MND1: variants seen among roughly 807,000 people sequenced by gnomAD.
The protein encoded by MND1 is meiotic nuclear division protein 1 homolog.
In MND1, 28 loss-of-function variants were observed where a neutral mutation model predicts 35.1. The ratio of observed to expected loss-of-function variants is 0.80; its 90% CI spans 0.59 to 1.09. The LOEUF is 1.09. Among genes scored for constraint, MND1 ranks in the 50% least tolerant of loss-of-function variants. The probability of loss-of-function intolerance (pLI) is 0.00; values close to 1 mark genes in which losing one functional copy is unlikely to be tolerated. For missense variants in MND1, 213 were observed against 239.6 expected, an observed-to-expected ratio of 0.89 and a Z score of 0.73; for synonymous variants, 69 against 70.5, an observed-to-expected ratio of 0.98 and a Z score of 0.11.
intron 2 of MND1, among the ~76,000 whole-genome samples, chr4:153,352,604 C>T (rs147246427): frequency 2.0e-5 from 3 of 152,072 alleles, no homozygotes; most frequent in East Asian, 3.9e-4. Flanking sequence ...CCAGGTGCCA[C>T]GGCTCACACC....
intron 4 of MND1, among the ~76,000 whole-genome samples, chr4:153,360,606 G>GTA (rs70963165): frequency 0.1 from 14,651 of 143,292 alleles, 831 homozygotes; most frequent in South Asian, 0.2. Context: ...GTGTGTGTGT[G>GTA]TATATATATA....
chr4:153,399,522 A>C (rs1729285902), intron 6 of MND1, among the ~76,000 whole-genome samples: 1 of 152,210 alleles, frequency 6.6e-6, no homozygotes, highest in Non-Finnish European at 1.5e-5. Context: ...CCAATTCATG[A>C]AGTGGGGAAA....
intron 6 of MND1, among the ~76,000 whole-genome samples, chr4:153,402,643 T>C (rs1729374390): frequency 6.6e-6 from 1 of 152,206 alleles, no homozygotes; most frequent in Admixed American, 6.5e-5. Context: ...GTAAGAGCCT[T>C]GATCCCAAAG....
chr4:153,359,368 C>T (rs1302398767), intron 4 of MND1, among the ~76,000 whole-genome samples: 3 of 152,108 alleles, frequency 2.0e-5, no homozygotes, highest in African/African-American at 7.2e-5. Flanking sequence ...CTTGATGGCT[C>T]ATTTCTTTTT....
At chr4:153,395,336 A>G (rs1729168530) in intron 5 of MND1, among the ~76,000 whole-genome samples, 1 of 152,184 alleles carries the variant, frequency 6.6e-6, no homozygotes, top group Non-Finnish European at 1.5e-5. Context: ...TAATGGTGAC[A>G]TATGCTTGCC....
chr4:153,409,969 A>G (rs1053916668), intron 7 of MND1, among the ~76,000 whole-genome samples: 7 of 152,190 alleles, frequency 4.6e-5, no homozygotes, highest in African/African-American at 9.7e-5. Flanking sequence ...AAAGAGGCTC[A>G]GCACACAGTA....
rs186937519 is a variant in MND1 at position 153,388,903 on chromosome 4, T to C, written c.277-5359T>C. 8.7e-4 allele frequency among the ~76,000 whole-genome samples: 133 copies of C among 152,276 alleles called. 1 individual carries two copies. Among genetic ancestry groups the C allele is most frequent in the Non-Finnish European group, 1.7e-3 (116 of 68,018 alleles). ...CACTGAGCGACAGAACAGGTCTCAG[T>C]GGAGAGGGGACTCAGGGGATGGTCC... On this transcript the variant is annotated intron_variant, in intron 4 of 7. Coordinates refer to ENST00000240488, the MANE Select transcript of MND1 (RefSeq NM_032117.4).
chr4:153,359,122 T>C (rs1773416662), intron 4 of MND1, among the ~76,000 whole-genome samples: 1 of 152,238 alleles, frequency 6.6e-6, no homozygotes, highest in African/African-American at 2.4e-5. Context: ...AAATGCATGA[T>C]GACGTGTATC....
chr4:153,345,614 T>G (rs189403677), intron 1 of MND1: 1 of 834,468 alleles, frequency 1.2e-6, no homozygotes, highest in East Asian at 1.2e-4. Flanking sequence ...AGAATCAACA[T>G]CTGGTTAAAT....
intron 4 of MND1, among the ~76,000 whole-genome samples, chr4:153,370,674 C>A (rs1183111366): frequency 6.6e-6 from 1 of 152,034 alleles, no homozygotes; most frequent in Non-Finnish European, 1.5e-5. Context: ...CAGGCACCAT[C>A]ACGCCTGGCT....
At chr4:153,391,727 T>TACACACACACACACACCCACAC (rs1729040303) in intron 4 of MND1, among the ~76,000 whole-genome samples, 1 of 142,286 alleles carries the variant, frequency 7.0e-6, no homozygotes, top group Non-Finnish European at 1.5e-5. Context: ...AACTCCATCA[T>TACACACACACACACACCCACAC]ACACACACAC....
chr4:153,390,889 A>ATG (rs58003087), intron 4 of MND1, among the ~76,000 whole-genome samples: 1,976 of 139,832 alleles, frequency 0.014, 26 homozygotes, highest in East Asian at 0.038. Context: ...AGGTATATAT[A>ATG]TGTGTGTGTG....
intron 2 of MND1, among the ~76,000 whole-genome samples, chr4:153,350,392 C>T (rs999225597): frequency 6.6e-6 from 1 of 152,192 alleles, no homozygotes; most frequent in African/African-American, 2.4e-5. Flanking sequence ...ATTATCTCCT[C>T]TTTCTGCCTG....
At chr4:153,360,703 T>G (rs896116758) in intron 4 of MND1, among the ~76,000 whole-genome samples, 10 of 148,338 alleles carry the variant, frequency 6.7e-5, no homozygotes, top group East Asian at 1.9e-4. Flanking sequence ...ATAAATATTT[T>G]TGTGTGTGTG....
At chr4:153,390,030 CT>C (rs33959069) in intron 4 of MND1, among the ~76,000 whole-genome samples, 48,026 of 143,270 alleles carry the variant, frequency 0.34, 7,845 homozygotes, top group African/African-American at 0.43. Context: ...AGCCCTTTGG[CT>C]TTTTTTTTTT....
chr4:153,390,859 C>T (rs561439079), intron 4 of MND1, among the ~76,000 whole-genome samples: 5 of 149,476 alleles, frequency 3.3e-5, no homozygotes, highest in African/African-American at 9.9e-5. Flanking sequence ...AAAAACAGAA[C>T]CAGCCCGTCT....
intron 6 of MND1, among the ~76,000 whole-genome samples, chr4:153,407,461 CA>C (rs1017380736): frequency 2.7e-5 from 4 of 149,204 alleles, no homozygotes; most frequent in South Asian, 4.3e-4. Context: ...AACTCCATCT[CA>C]AAAAAAAATA....
chr4:153,387,038 T>TTCTCA (rs560952011), intron 4 of MND1, among the ~76,000 whole-genome samples: 239 of 152,340 alleles, frequency 1.6e-3, no homozygotes, highest in East Asian at 9.6e-4. Flanking sequence ...TATATTCATA[T>TTCTCA]AACAGGAAAA....
chr4:153,374,476 A>G (rs971056038), intron 4 of MND1, among the ~76,000 whole-genome samples: 1 of 152,186 alleles, frequency 6.6e-6, no homozygotes, highest in Non-Finnish European at 1.5e-5. Flanking sequence ...GGTGGGATTC[A>G]CATAAAGATA....
Sources: gnomAD v4.1 joint callset for allele counts (sites outside exome capture counted in the v4.1 genomes callset) on GRCh38, gnomAD v4.1.1 for gene constraint, MANE v1.5 for transcripts, NCBI Gene and HGNC (gene_info 2026-07-23, HGNC 2026-07-21) for gene names.